Variants in SS18L1 observed in about 807,000 individuals in gnomAD.
The protein encoded by SS18L1 is calcium-responsive transactivator.
A neutral mutation model predicts 70.3 loss-of-function variants in SS18L1; 32 were observed. The observed-to-expected ratio is 0.46, with a 90% confidence interval of 0.34 to 0.61. SS18L1 has a LOEUF of 0.61. SS18L1 is among the 20% of genes least tolerant of loss of function. The pLI, the probability that SS18L1 is intolerant of heterozygous loss-of-function variation, is 0.01. For missense variants in SS18L1, 430 were observed against 542.1 expected, an observed-to-expected ratio of 0.79 and a Z score of 2.05; for synonymous variants, 237 against 229.7, an observed-to-expected ratio of 1.03 and a Z score of -0.29.
intron 1 of SS18L1, among the ~76,000 whole-genome samples, chr20:62,147,726 G>C (rs1284170391): frequency 1.3e-5 from 2 of 152,120 alleles, no homozygotes; most frequent in Non-Finnish European, 2.9e-5. Flanking sequence ...CGCCTGCTGG[G>C]TGGGTTTGGT....
intron 10 of SS18L1, among the ~76,000 whole-genome samples, chr20:62,178,393 T>C (rs2145796365): frequency 6.6e-6 from 1 of 151,330 alleles, no homozygotes; most frequent in South Asian, 2.1e-4. Flanking sequence ...CCTCAAATGA[T>C]CCACCCACCT....
chr20:62,174,726 GAAT>G lies in SS18L1; in HGVS notation c.1164+86_1164+88del. The G allele has an allele frequency of 6.2e-7, 1 of 1,610,986 alleles. No homozygotes were observed. On this transcript the variant is annotated intron_variant, in intron 10 of 10. Coordinates refer to ENST00000331758, the MANE Select transcript of SS18L1 (RefSeq NM_198935.3). This position sits in a 1 kb window ranked among gnomAD's most constrained non-coding sequence, Gnocchi z 4.1. ...TGAAGATTTCTCTTATGGCCATGAG[GAAT>G]AATGAGCTGGAACTAACTGGCTTCC...
rs2057330405 is a variant in SS18L1 at position 62,161,559 on chromosome 20, C to T, written c.355C>T (p.Leu119=). The change falls in exon 4 of 11, where the codon CTG becomes TTG. Residue 119 remains leucine (L), a synonymous_variant. Transcript: ENST00000331758. This position sits in a 1 kb window ranked among gnomAD's most constrained non-coding sequence, Gnocchi z 4.4. Reference sequence around the variant, plus strand: ...CACGGGCCTGCCACCCTCCTCCCTCCTGCAGGGCCAGATTGGCAACGGTGA... The same window carrying T: ...CACGGGCCTGCCACCCTCCTCCCTCTTGCAGGGCCAGATTGGCAACGGTGA... ...ISTGLPPSSL[L]QGQIGNGPSH... is the part of the protein sequence containing the mutation. The T allele has an allele frequency of 5.0e-6, 8 of 1,610,014 alleles. No homozygotes were observed. The highest frequency in any genetic ancestry group is 6.8e-6 in the Non-Finnish European group (8 of 1,177,778).
At chr20:62,163,768 T>A in intron 6 of SS18L1, 146 bp downstream of exon 6, 1 of 1,192,152 alleles carries the variant, frequency 8.4e-7, no homozygotes, top group Non-Finnish European at 1.1e-6. Flanking sequence ...GTGTTAACAT[T>A]GAGTGTGGAC....
chr20:62,144,782 C>T (rs961133820), intron 1 of SS18L1, among the ~76,000 whole-genome samples: 11 of 152,256 alleles, frequency 7.2e-5, no homozygotes, highest in African/African-American at 2.2e-4. Flanking sequence ...AGAAAATCAG[C>T]ATTAGCCATA....
At chr20:62,169,452 T>C (rs1000372364) in intron 8 of SS18L1, among the ~76,000 whole-genome samples, 5 of 152,194 alleles carry the variant, frequency 3.3e-5, no homozygotes, top group Non-Finnish European at 7.4e-5. Context: ...CTTTGAATCA[T>C]GTAGATGTAT....
Position 62,158,698 on chromosome 20 carries a change from C to T in SS18L1, c.96C>T (p.Ile32=), listed in dbSNP as rs2057267869. ...QKMLDENHHL[I]QCILEYQSKG... is the part of the protein sequence containing the mutation. Reference sequence around the variant, plus strand: ...TGCTGGACGAGAACCACCACCTGATCCAGTGCATCCTGGAGTACCAGAGCA... The same window carrying T: ...TGCTGGACGAGAACCACCACCTGATTCAGTGCATCCTGGAGTACCAGAGCA... The change falls in exon 2 of 11, where the codon ATC becomes ATT. Residue 32 remains isoleucine (I), a synonymous_variant. Coordinates refer to ENST00000331758, the MANE Select transcript of SS18L1 (RefSeq NM_198935.3). This position sits in a 1 kb window ranked among gnomAD's most constrained non-coding sequence, Gnocchi z 4.5. The T allele has an allele frequency of 6.2e-7, 1 of 1,612,810 alleles. No homozygotes were observed. Among genetic ancestry groups the T allele is most frequent in the Non-Finnish European group, 8.5e-7 (1 of 1,180,026 alleles).
At chr20:62,148,308 G>T (rs1288693538) in intron 1 of SS18L1, among the ~76,000 whole-genome samples, 1 of 148,348 alleles carries the variant, frequency 6.7e-6, no homozygotes, top group African/African-American at 2.5e-5. Flanking sequence ...TGGCCTCCTT[G>T]CTGTCTTAGG....
At chr20:62,170,097 C>G in intron 8 of SS18L1, among the ~76,000 whole-genome samples, 1 of 152,242 alleles carries the variant, frequency 6.6e-6, no homozygotes, top group East Asian at 1.9e-4. Context: ...GTGTCCACAT[C>G]TTGCTCCTTC....
chr20:62,158,985 T>A lies in SS18L1; in HGVS notation c.146+237T>A. On this transcript the variant is annotated intron_variant, in intron 2 of 10. Coordinates refer to ENST00000331758, the MANE Select transcript of SS18L1 (RefSeq NM_198935.3). The surrounding 1 kb of genome is among the most constrained non-coding windows in gnomAD (Gnocchi z 4.5). ...AGTCCCCCAGCACGGAGGCCAGATATGTCCCGAGAGTCCCCCAGCACGGAG... is the reference window on the plus strand; with the variant it reads ...AGTCCCCCAGCACGGAGGCCAGATAAGTCCCGAGAGTCCCCCAGCACGGAG... The A allele has an allele frequency of 6.5e-7, 1 of 1,539,226 alleles. No homozygotes were observed. The highest frequency in any genetic ancestry group is 8.7e-7 in the Non-Finnish European group (1 of 1,143,892).
At chr20:62,178,947 C>T (rs557490327) in intron 10 of SS18L1, among the ~76,000 whole-genome samples, 4 of 152,204 alleles carry the variant, frequency 2.6e-5, no homozygotes, top group Non-Finnish European at 5.9e-5. Context: ...GGCACAGGCC[C>T]GGCCGCAGCG....
At chr20:62,165,281 G>T in intron 7 of SS18L1, 141 bp from the exon 8 acceptor site, 2 of 757,320 alleles carry the variant, frequency 2.6e-6, no homozygotes, top group Non-Finnish European at 4.3e-6. Context: ...TTGGGGCATG[G>T]TTTTGGGGAA....
chr20:62,170,634 C>T (rs1248746383), intron 8 of SS18L1, among the ~76,000 whole-genome samples: 1 of 152,264 alleles, frequency 6.6e-6, no homozygotes, highest in Non-Finnish European at 1.5e-5. Context: ...TCATGCAACA[C>T]ATCTGAAAAC....
Position 62,174,924 on chromosome 20 carries a change from T to C in SS18L1, c.1164+280T>C, listed in dbSNP as rs990751748. On this transcript the variant is annotated intron_variant, in intron 10 of 10. Coordinates refer to ENST00000331758, the MANE Select transcript of SS18L1 (RefSeq NM_198935.3). This position sits in a 1 kb window ranked among gnomAD's most constrained non-coding sequence, Gnocchi z 4.1. ...CACTCTGCCAGTGTTTGTCACGTACTGGGTACGCGTCCGGTCTCTGCTGAG... is the reference window on the plus strand; with the variant it reads ...CACTCTGCCAGTGTTTGTCACGTACCGGGTACGCGTCCGGTCTCTGCTGAG... 53 of 984,396 alleles carry C rather than the reference T, an allele frequency of 5.4e-5. No homozygotes were observed. In the African/African-American group the frequency reaches 8.2e-4, roughly 15 times the overall value. The allele number at this position is 984,396 out of a possible 1,614,324, so 61.0% of individuals were successfully genotyped here. A position where few individuals can be genotyped will look rare whatever the true frequency, so the allele number is the denominator to read the frequency against.
chr20:62,152,348 C>T (rs994090452), intron 1 of SS18L1, among the ~76,000 whole-genome samples: 3 of 152,256 alleles, frequency 2.0e-5, no homozygotes, highest in Admixed American at 1.3e-4. Context: ...CACCACCCCT[C>T]CTTGCTGCGG....
intron 1 of SS18L1, among the ~76,000 whole-genome samples, chr20:62,145,086 C>T (rs1161995224): frequency 6.6e-6 from 1 of 152,244 alleles, no homozygotes; most frequent in Non-Finnish European, 1.5e-5. Context: ...CCTTGGCCAA[C>T]TCTGAACAGG....
chr20:62,150,145 A>G (rs1327870838), intron 1 of SS18L1, among the ~76,000 whole-genome samples: 1 of 152,116 alleles, frequency 6.6e-6, no homozygotes, highest in Non-Finnish European at 1.5e-5. Context: ...TCTCAAGGAG[A>G]CTGCACATGT....
chr20:62,150,264 C>T (rs963637984), intron 1 of SS18L1, among the ~76,000 whole-genome samples: 5 of 152,232 alleles, frequency 3.3e-5, no homozygotes, highest in Admixed American at 2.6e-4. Flanking sequence ...TCTGTAGTAT[C>T]GGCTTGCTGA....
chr20:62,158,768 C>T lies in SS18L1; in HGVS notation c.146+20C>T, dbSNP rs768717861. ...CACGCAGTGAGTGCCCGCCATACAC[C>T]GGAACACTTGGAGGGTGTCATGCAG... On this transcript the variant is annotated intron_variant, in intron 2 of 10. Transcript: ENST00000331758. The surrounding 1 kb of genome is among the most constrained non-coding windows in gnomAD (Gnocchi z 4.5). 1.1e-5 allele frequency: 18 copies of T among 1,612,850 alleles called. No homozygotes were observed. Among genetic ancestry groups the T allele is most frequent in the Admixed American group, 3.3e-5 (2 of 60,006 alleles).
Sources: allele counts gnomAD v4.1 joint callset (sites outside exome capture counted in the v4.1 genomes callset), GRCh38; gene constraint gnomAD v4.1.1; non-coding constraint Gnocchi (gnomAD v3.1); transcripts MANE v1.5; gene names NCBI Gene and HGNC (gene_info 2026-07-23, HGNC 2026-07-21).